The following HP variants were observed in gnomAD, a reference collection of about 807,000 sequenced individuals.
HP encodes the protein haptoglobin alpha(1S)-beta.
Under a neutral mutation model 23.2 loss-of-function variants are expected in HP, and 9 were observed. The ratio of observed to expected loss-of-function variants is 0.39; its 90% confidence interval spans 0.23 to 0.68. The LOEUF is 0.68. Among genes scored for constraint, HP ranks in the 30% least tolerant of loss-of-function variants. The pLI is 0.47. For missense variants in HP, 433 were observed against 483.6 expected, an observed-to-expected ratio of 0.90 and a Z score of 0.98; for synonymous variants, 155 against 183.3, an observed-to-expected ratio of 0.85 and a Z score of 1.25.
chr16:72,054,851 G>A (rs975910520), intron 1 of HP, 194 bp downstream of exon 1: 1 of 831,972 alleles, frequency 1.2e-6, no homozygotes, highest in African/African-American at 1.7e-5. Flanking sequence ...TCTTTCCCAG[G>A]AGATAAGATT....
At chr16:72,059,298 T>C (rs1466462007) in intron 6 of HP, 110 bp downstream of exon 6, 2 of 1,439,450 alleles carry the variant, frequency 1.4e-6, no homozygotes, top group East Asian at 4.6e-5. Context: ...GGAGGAGGGA[T>C]GTGGGAGAAC....
intron 2 of HP, 110 bp downstream of exon 2, chr16:72,056,353 G>A: frequency 5.1e-6 from 8 of 1,560,346 alleles, no homozygotes; most frequent in Non-Finnish European, 7.0e-6. Context: ...TGGGCTTTCA[G>A]GACCATAAAG....
rs1033993466 is a variant in HP at position 72,056,054 on chromosome 16, T to TATGC, written c.6-103_6-100dup. On this transcript the variant is annotated intron_variant, in intron 1 of 6. Coordinates refer to ENST00000355906, the MANE Select transcript of HP (RefSeq NM_005143.5). Reference sequence around the variant, plus strand: ...CTGCTAAGTGGGAGGAGTGTGTGTGTATGCATGTGTGTGTGTGTGTGTGTA... The same window carrying TATGC: ...CTGCTAAGTGGGAGGAGTGTGTGTGTATGCATGCATGTGTGTGTGTGTGTGTGTA... 9 of 1,485,912 alleles carry TATGC rather than the reference T, an allele frequency of 6.1e-6. No individual in the cohort carries two copies. The Admixed American group carries it at 1.4e-4, about 23-fold the overall frequency. The allele number at this position is 1,485,912 out of a possible 1,614,324, so 92.0% of individuals were successfully genotyped here.
At position 72,056,255 on chromosome 16, in the gene HP, G is replaced by A; in HGVS notation, c.88+12G>A. 1 of 1,613,400 alleles carries A rather than the reference G, an allele frequency of 6.2e-7. No homozygotes were observed. Among genetic ancestry groups the A allele is most frequent in the South Asian group, 1.1e-5 (1 of 91,066 alleles). On this transcript the variant is annotated intron_variant, in intron 2 of 6. Transcript: ENST00000355906. ...CACGGATATCGCAGGTCAGTCTTTGGTTGGGTAGGAGTGTGCATCCCACTC... is the reference window on the plus strand; with the variant it reads ...CACGGATATCGCAGGTCAGTCTTTGATTGGGTAGGAGTGTGCATCCCACTC...
chr16:72,056,098 T>C (rs1466200225), intron 1 of HP, 63 bp from the exon 2 acceptor site: 1 of 1,538,736 alleles, frequency 6.5e-7, no homozygotes, highest in Non-Finnish European at 9.0e-7. Context: ...TGTGTGTGGA[T>C]GCATGCATGT....
In HP at chr16:72,056,235, A is replaced by T; in HGVS notation, c.80A>T (p.Asp27Val). The change falls in exon 2 of 7, where the codon GAT becomes GTT. Residue 27 changes from aspartate to valine, a missense_variant. By Grantham distance (152) the Asp-to-Val change is radical. This residue lies in a region of HP where 71 missense variants were observed against 54.2 expected (regional missense o/e 1.31). Coordinates refer to ENST00000355906, the MANE Select transcript of HP (RefSeq NM_005143.5). Reference protein sequence around the residue: ...FAVDSGNDVTDIADDGCPKPP... With the variant: ...FAVDSGNDVTVIADDGCPKPP... ...GTGGACTCAGGCAATGATGTCACGG[A>T]TATCGCAGGTCAGTCTTTGGTTGGG... 1 of 1,613,848 alleles carries T rather than the reference A, an allele frequency of 6.2e-7. No homozygotes were observed. The highest frequency in any genetic ancestry group is 8.5e-7 in the Non-Finnish European group (1 of 1,179,892).
intron 2 of HP, 74 bp downstream of exon 2, chr16:72,056,317 C>A: frequency 1.9e-6 from 3 of 1,566,688 alleles, no homozygotes; most frequent in Admixed American, 3.4e-5. Context: ...TGAGAACACC[C>A]AATTCCCCCT....
In HP at chr16:72,054,667, C is replaced by T; in HGVS notation, c.5+10C>T. Reference sequence around the variant, plus strand: ...GACCAACCAAGATGAGGTGGGTCCACAGCTTTCCCTCCTGCCTTTCCTCTG... The same window carrying T: ...GACCAACCAAGATGAGGTGGGTCCATAGCTTTCCCTCCTGCCTTTCCTCTG... On this transcript the variant is annotated intron_variant, in intron 1 of 6. Coordinates refer to ENST00000355906, the MANE Select transcript of HP (RefSeq NM_005143.5). The T allele has an allele frequency of 6.2e-7, 1 of 1,612,354 alleles. No homozygotes were observed. The highest frequency in any genetic ancestry group is 8.5e-7 in the Non-Finnish European group (1 of 1,179,136).
Position 72,060,584 on chromosome 16 carries a change from C to A in HP, c.915C>A (p.Asp305Glu). Residue 305 changes from aspartate to glutamate, a missense_variant, in exon 7 of 7, where the codon GAC becomes GAA. Asp to Glu is a conservative substitution (Grantham distance 45, BLOSUM62 2). Transcript: ENST00000355906. ...AGTATGTCATGCTGCCTGTGGCTGA[C>A]CAAGACCAATGCATAAGGCATTATG... The part of the protein sequence containing the change: ...HLKYVMLPVA[D>E]QDQCIRHYEG... 6 of 1,614,068 alleles carry A rather than the reference C, an allele frequency of 3.7e-6. No individual in the cohort carries two copies. Among genetic ancestry groups the A allele is most frequent in the Non-Finnish European group, 5.1e-6 (6 of 1,180,032 alleles).
In HP at chr16:72,056,271, C is replaced by A. The variant is rs1856068896; in HGVS notation, c.88+28C>A. On this transcript the variant is annotated intron_variant, in intron 2 of 6. Coordinates refer to ENST00000355906, the MANE Select transcript of HP (RefSeq NM_005143.5). Reference sequence around the variant, plus strand: ...CAGTCTTTGGTTGGGTAGGAGTGTGCATCCCACTCTGACCCTCTCGGGTCT... The same window carrying A: ...CAGTCTTTGGTTGGGTAGGAGTGTGAATCCCACTCTGACCCTCTCGGGTCT... 4.4e-6 allele frequency: 7 copies of A among 1,600,512 alleles called. No homozygotes were observed. In the South Asian group the frequency reaches 7.7e-5, roughly 18 times the overall value.
chr16:72,055,288 C>T lies in HP; in HGVS notation c.5+631C>T, dbSNP rs181300606. 4.7e-4 allele frequency: 74 copies of T among 157,568 alleles called. 1 individual carries two copies. In the East Asian group the frequency reaches 9.4e-3, roughly 20 times the overall value. 9.8% of individuals were successfully genotyped at this position (157,568 alleles called of 1,614,324 possible). A position where few individuals can be genotyped will look rare whatever the true frequency, so the allele number is the denominator to read the frequency against. ...CCAGGTAGCTGGGACTACAGGCGTGCGCCACTATGCCCACCTAATTTTTGT... is the reference window on the plus strand; with the variant it reads ...CCAGGTAGCTGGGACTACAGGCGTGTGCCACTATGCCCACCTAATTTTTGT... On this transcript the variant is annotated intron_variant, in intron 1 of 6. Coordinates refer to ENST00000355906, the MANE Select transcript of HP (RefSeq NM_005143.5).
chr16:72,057,579 G>A (rs1420430698), intron 4 of HP, 113 bp downstream of exon 4: 1 of 528,092 alleles, frequency 1.9e-6, no homozygotes, highest in Non-Finnish European at 3.4e-6. Context: ...GCCAGGAGGA[G>A]GGATGTGGGA....
At chr16:72,054,741 A>C in intron 1 of HP, 84 bp downstream of exon 1, 3 of 1,606,388 alleles carry the variant, frequency 1.9e-6, no homozygotes, top group Non-Finnish European at 2.6e-6. Context: ...ATGCAGAAAT[A>C]GAACAAAGAA....
chr16:72,054,665 C>G lies in HP; in HGVS notation c.5+8C>G. 6.2e-7 allele frequency: 1 copy of G among 1,612,248 alleles called. No individual in the cohort carries two copies. The highest frequency in any genetic ancestry group is 1.3e-5 in the African/African-American group (1 of 75,048). ...AAGACCAACCAAGATGAGGTGGGTC[C>G]ACAGCTTTCCCTCCTGCCTTTCCTC... On this transcript the variant is annotated splice_region_variant and intron_variant, in intron 1 of 6. Coordinates refer to ENST00000355906, the MANE Select transcript of HP (RefSeq NM_005143.5).
chr16:72,059,308 C>A, intron 6 of HP, 120 bp downstream of exon 6: 2 of 1,361,908 alleles, frequency 1.5e-6, no homozygotes, highest in Non-Finnish European at 2.1e-6. Flanking sequence ...TGTGGGAGAA[C>A]CGCAGCTGGC....
In HP at chr16:72,054,531, G is replaced by T. The variant is rs1435743565; in HGVS notation, c.-122G>T. ...CTGGAAAAGATAGTGACCTTACCAGGGCCAAAGTTTGTAGACACAGGAATT... is the reference window on the plus strand; with the variant it reads ...CTGGAAAAGATAGTGACCTTACCAGTGCCAAAGTTTGTAGACACAGGAATT... On this transcript the variant is annotated 5_prime_UTR_variant, in exon 1 of 7. Transcript: ENST00000355906. 3.2e-6 allele frequency: 5 copies of T among 1,572,082 alleles called. 1 individual carries two copies. In the East Asian group the frequency reaches 9.4e-5, roughly 29 times the overall value.
chr16:72,054,659 T>C lies in HP; in HGVS notation c.5+2T>C. On this transcript the variant is annotated splice_donor_variant, in intron 1 of 6. Transcript: ENST00000355906. LOFTEE classifies it high-confidence loss of function. ...AGAGGCAAGACCAACCAAGATGAGG[T>C]GGGTCCACAGCTTTCCCTCCTGCCT... 6.2e-7 allele frequency: 1 copy of C among 1,611,952 alleles called. No individual in the cohort carries two copies. Among genetic ancestry groups the C allele is most frequent in the South Asian group, 1.1e-5 (1 of 90,718 alleles).
chr16:72,056,761 A>G (rs1183592871), intron 3 of HP, 130 bp downstream of exon 3: 19 of 436,402 alleles, frequency 4.4e-5, no homozygotes, highest in East Asian at 1.1e-4. Flanking sequence ...TTTAGATTCT[A>G]ATAAGCGTTT....
intron 6 of HP, 189 bp from the exon 7 acceptor site, chr16:72,059,923 A>G (rs1451639276): frequency 7.5e-7 from 1 of 1,335,758 alleles, no homozygotes; most frequent in South Asian, 1.6e-5. Flanking sequence ...TTTGTAATGT[A>G]AACAATTTAA....
Sources: allele counts gnomAD v4.1 joint callset, GRCh38; gene constraint gnomAD v4.1.1; regional missense constraint gnomAD v4.1.1; transcripts MANE v1.5; gene names NCBI Gene and HGNC (gene_info 2026-07-23, HGNC 2026-07-21).